SH2B3: variants seen among roughly 807,000 people sequenced by gnomAD.
The protein encoded by SH2B3 is SH2B adaptor protein 3.
SH2B3 carries 43 observed loss-of-function variants against 51.9 expected under a neutral mutation model. The observed-to-expected ratio is 0.83, with a 90% CI of 0.65 to 1.07. SH2B3 has a LOEUF of 1.07. Among genes scored for constraint, SH2B3 ranks in the 50% least tolerant of loss-of-function variants. The probability of loss-of-function intolerance (pLI) is 0.00; values close to 1 mark genes in which losing one functional copy is unlikely to be tolerated. For missense variants in SH2B3, 952 were observed against 834.3 expected, an observed-to-expected ratio of 1.14 and a Z score of -1.74; for synonymous variants, 396 against 376.0, an observed-to-expected ratio of 1.05 and a Z score of -0.62.
chr12:111,444,453 C>T (rs778204436), intron 2 of SH2B3, among the ~76,000 whole-genome samples: 3 of 152,204 alleles, frequency 2.0e-5, no homozygotes, highest in Non-Finnish European at 4.4e-5. Context: ...CAGAAATAGA[C>T]GCTGCAGGAT....
Position 111,418,289 on chromosome 12 carries a change from C to T in SH2B3, c.144C>T (p.Phe48=). Residue 48 remains phenylalanine (F), a synonymous_variant, in exon 2 of 8, where the codon TTC becomes TTT. Transcript: ENST00000341259. The surrounding 1 kb of genome is among the most constrained non-coding windows in gnomAD (Gnocchi z 6.7). ...AGCTGGCCCGCCAGTACTGGCTGTT[C>T]GCCCGGGAGCATCCGCAGCACGCGC... ...ARELARQYWL[F]AREHPQHAPL... is the part of the protein sequence containing the mutation. The T allele has an allele frequency of 7.2e-6, 11 of 1,536,654 alleles. No homozygotes were observed. Among genetic ancestry groups the T allele is most frequent in the Non-Finnish European group, 8.7e-6 (10 of 1,148,226 alleles).
chr12:111,430,770 GC>G (rs1403026269), intron 2 of SH2B3, among the ~76,000 whole-genome samples: 2 of 152,170 alleles, frequency 1.3e-5, no homozygotes, highest in Non-Finnish European at 2.9e-5. Context: ...GTTGTTTTGA[GC>G]CAACTGCAGG....
chr12:111,416,011 G>A (rs1180528235), intron 1 of SH2B3, among the ~76,000 whole-genome samples: 4 of 151,508 alleles, frequency 2.6e-5, no homozygotes, highest in Admixed American at 6.6e-5. Flanking sequence ...GCGTGATCTC[G>A]GCTCACTGCA....
At position 111,435,094 on chromosome 12, in the gene SH2B3, G is replaced by A; in HGVS notation, c.733-11659G>A. 7.7e-7 allele frequency: 1 copy of A among 1,294,512 alleles called. No homozygotes were observed. Among genetic ancestry groups the A allele is most frequent in the Non-Finnish European group, 1.1e-6 (1 of 937,908 alleles). The allele number at this position is 1,294,512 out of a possible 1,614,324, so 80.2% of individuals were successfully genotyped here. On this transcript the variant is annotated intron_variant, in intron 2 of 7. Transcript: ENST00000341259. This position sits in a 1 kb window ranked among gnomAD's most constrained non-coding sequence, Gnocchi z 4.8. Reference sequence around the variant, plus strand: ...GTGGTGATGAGTCCCCTCTCCTCTGGTGCACTCTCCCCACCCGAGACGGGC... The same window carrying A: ...GTGGTGATGAGTCCCCTCTCCTCTGATGCACTCTCCCCACCCGAGACGGGC...
At position 111,448,141 on chromosome 12, in the gene SH2B3, G is replaced by C. The variant is rs761330967; in HGVS notation, c.1567G>C (p.Glu523Gln). 1 of 1,614,006 alleles carries C rather than the reference G, an allele frequency of 6.2e-7. No homozygotes were observed. Among genetic ancestry groups the C allele is most frequent in the Admixed American group, 1.7e-5 (1 of 60,008 alleles). The change falls in exon 8 of 8, where the codon GAG becomes CAG. Residue 523 changes from glutamate to glutamine, a missense_variant. By Grantham distance (29) the Glu-to-Gln change is conservative. Coordinates refer to ENST00000341259, the MANE Select transcript of SH2B3 (RefSeq NM_005475.3). ...TCTCCCAGGGCGATCCTCACCCCCCGAGCAGATCTTCCACCTGGTGCCTTC... is the reference window on the plus strand; with the variant it reads ...TCTCCCAGGGCGATCCTCACCCCCCCAGCAGATCTTCCACCTGGTGCCTTC... ...EGLPGRSSPP[E>Q]QIFHLVPSPE...
At chr12:111,417,382 C>T (rs1218930953) in intron 1 of SH2B3, among the ~76,000 whole-genome samples, 1 of 152,162 alleles carries the variant, frequency 6.6e-6, no homozygotes, top group Admixed American at 6.6e-5. Flanking sequence ...TTTCTCATCC[C>T]TGGCCTTAAA....
intron 2 of SH2B3, among the ~76,000 whole-genome samples, chr12:111,430,977 A>G (rs1168270293): frequency 7.2e-6 from 1 of 138,784 alleles, no homozygotes; most frequent in Non-Finnish European, 1.6e-5. Context: ...TGAATGGAAA[A>G]GGAAACTGAT....
chr12:111,419,407 T>A (rs1277717603), intron 2 of SH2B3, among the ~76,000 whole-genome samples: 1 of 152,062 alleles, frequency 6.6e-6, no homozygotes, highest in Non-Finnish European at 1.5e-5. Context: ...GAGGCCAAGG[T>A]GGGCAGATCA....
Position 111,448,336 on chromosome 12 carries a change from T to G in SH2B3, c.*34T>G, listed in dbSNP as rs1203968552. 1 of 1,456,488 alleles carries G rather than the reference T, an allele frequency of 6.9e-7. No individual in the cohort carries two copies. The highest frequency in any genetic ancestry group is 1.4e-5 in the African/African-American group (1 of 71,758). 90.2% of individuals were successfully genotyped at this position (1,456,488 alleles called of 1,614,324 possible). A position where few individuals can be genotyped will look rare whatever the true frequency, so the allele number is the denominator to read the frequency against. ...GAATTCCAGGCCTCAACAGCTGCCC[T>G]TGAGGAGCACAGGCAGAAGTGTGAA... is the stretch of plus-strand genomic sequence containing the variant. On this transcript the variant is annotated 3_prime_UTR_variant, in exon 8 of 8. Transcript: ENST00000341259.
chr12:111,416,055 C>T (rs1243598438), intron 1 of SH2B3, among the ~76,000 whole-genome samples: 1 of 152,142 alleles, frequency 6.6e-6, no homozygotes, highest in African/African-American at 2.4e-5. Context: ...CATTCTCCTG[C>T]CTCAGCCTCC....
Position 111,419,254 on chromosome 12 carries a change from G to A in SH2B3, c.732+377G>A, listed in dbSNP as rs117823187. Among the ~76,000 whole-genome samples the A allele has an allele frequency of 7.9e-3, 1,199 of 152,246 alleles. 6 individuals are homozygous for A. Among genetic ancestry groups the A allele is most frequent in the Non-Finnish European group, 0.013 (864 of 68,014 alleles). ...GGAGGTGGAGGCTACAGTGAGCCGT[G>A]ATCATGCCAACACACTCCAGGCCTG... On this transcript the variant is annotated intron_variant, in intron 2 of 7. Transcript: ENST00000341259.
At chr12:111,416,090 T>C (rs1019543983) in intron 1 of SH2B3, among the ~76,000 whole-genome samples, 37 of 151,888 alleles carry the variant, frequency 2.4e-4, no homozygotes, top group Non-Finnish European at 4.7e-4. Context: ...TACAGGTGCC[T>C]GCCACCACCC....
At chr12:111,408,584 A>C (rs1593024497) in intron 1 of SH2B3, among the ~76,000 whole-genome samples, 1 of 151,760 alleles carries the variant, frequency 6.6e-6, no homozygotes, top group African/African-American at 2.4e-5. Flanking sequence ...ACTTGGAGGG[A>C]CCTCCTCGCT....
chr12:111,429,015 C>T lies in SH2B3; in HGVS notation c.732+10138C>T, dbSNP rs1005509419. Among the ~76,000 whole-genome samples the T allele has an allele frequency of 1.7e-5, 2 of 114,906 alleles. No homozygotes were observed. Among genetic ancestry groups the T allele is most frequent in the African/African-American group, 3.3e-5 (1 of 30,244 alleles). The allele number at this position is 114,906 out of a possible 152,430, so 75.4% of individuals were successfully genotyped here. A position where few individuals can be genotyped will look rare whatever the true frequency, so the allele number is the denominator to read the frequency against. On this transcript the variant is annotated intron_variant, in intron 2 of 7. Coordinates refer to ENST00000341259, the MANE Select transcript of SH2B3 (RefSeq NM_005475.3). The surrounding 1 kb of genome is among the most constrained non-coding windows in gnomAD (Gnocchi z 4.4). ...GCGGTTTCCTCTCGGGGCAGGAGTGCGAGGAGGAGGAGGAGGAGGAGGAGG... is the reference window on the plus strand; with the variant it reads ...GCGGTTTCCTCTCGGGGCAGGAGTGTGAGGAGGAGGAGGAGGAGGAGGAGG...
intron 2 of SH2B3, among the ~76,000 whole-genome samples, chr12:111,440,207 G>A (rs1459993236): frequency 6.6e-6 from 1 of 152,200 alleles, no homozygotes; most frequent in Admixed American, 6.5e-5. Flanking sequence ...CCTCCCCCTT[G>A]GAGGTCTCTT....
intron 2 of SH2B3, among the ~76,000 whole-genome samples, chr12:111,440,444 G>A (rs1333413887): frequency 1.3e-5 from 2 of 152,212 alleles, no homozygotes; most frequent in Non-Finnish European, 2.9e-5. Context: ...CTTCCTCTTG[G>A]AAAACTTTTT....
chr12:111,418,668 C>T lies in SH2B3; in HGVS notation c.523C>T (p.Arg175Trp), dbSNP rs1871292330. The T allele has an allele frequency of 1.3e-6, 2 of 1,486,940 alleles. No individual in the cohort carries two copies. The highest frequency in any genetic ancestry group is 2.9e-5 in the African/African-American group (2 of 67,890). The allele number at this position is 1,486,940 out of a possible 1,614,324, so 92.1% of individuals were successfully genotyped here. The part of the protein sequence containing the change: ...TPGEAAETPA[R>W]PGLAKKFLPW... ...CGGAGAGGCTGCTGAGACCCCCGCCCGGCCTGGCCTGGCCAAGAAGTTCCT... is the reference window on the plus strand; with the variant it reads ...CGGAGAGGCTGCTGAGACCCCCGCCTGGCCTGGCCTGGCCAAGAAGTTCCT... The change falls in exon 2 of 8, where the codon CGG becomes TGG. Residue 175 changes from arginine to tryptophan, a missense_variant. Arg to Trp is a moderately radical substitution (Grantham distance 101, BLOSUM62 -3). Transcript: ENST00000341259. This position sits in a 1 kb window ranked among gnomAD's most constrained non-coding sequence, Gnocchi z 6.7.
intron 2 of SH2B3, among the ~76,000 whole-genome samples, chr12:111,441,500 A>G (rs1873403226): frequency 6.6e-6 from 1 of 152,150 alleles, no homozygotes; most frequent in South Asian, 2.1e-4. Flanking sequence ...ATGGTTCTGT[A>G]GCCCTGAGGG....
intron 1 of SH2B3, among the ~76,000 whole-genome samples, chr12:111,412,806 A>T (rs111323478): frequency 7.2e-5 from 11 of 152,256 alleles, no homozygotes; most frequent in African/African-American, 2.6e-4. Context: ...CTGGGGCTCA[A>T]GCAATCCTCC....
Sources: gnomAD v4.1 joint callset for allele counts (sites outside exome capture counted in the v4.1 genomes callset) on GRCh38, gnomAD v4.1.1 for gene constraint, Gnocchi (gnomAD v3.1) non-coding constraint, MANE v1.5 for transcripts, NCBI Gene and HGNC (gene_info 2026-07-23, HGNC 2026-07-21) for gene names.